The following SPECC1 variants were observed in gnomAD, a reference collection of about 807,000 sequenced individuals.
SPECC1 encodes cytospin-B.
Under a neutral mutation model 104.1 loss-of-function variants are expected in SPECC1, and 62 were observed. That is an observed-to-expected ratio of 0.60 (90% CI 0.49 to 0.74). The LOEUF is 0.74. Among genes scored for constraint, SPECC1 ranks in the 30% least tolerant of loss-of-function variants. The probability of loss-of-function intolerance (pLI) is 0.00; values close to 1 mark genes in which losing one functional copy is unlikely to be tolerated. For missense variants in SPECC1, 1,306 were observed against 1,310.5 expected, an observed-to-expected ratio of 1.00 and a Z score of 0.05; for synonymous variants, 513 against 501.6, an observed-to-expected ratio of 1.02 and a Z score of -0.30.
intron 3 of SPECC1, among the ~76,000 whole-genome samples, chr17:20,158,747 A>G (rs1361831200): frequency 6.6e-6 from 1 of 152,152 alleles, no homozygotes; most frequent in Non-Finnish European, 1.5e-5. Flanking sequence ...ATGAATGGCA[A>G]GTTCGGTTTT....
At position 20,253,541 on chromosome 17, in the gene SPECC1, A is replaced by C. The variant is rs781636027; in HGVS notation, c.2635A>C (p.Arg879=). 5 of 1,614,000 alleles carry C rather than the reference A, an allele frequency of 3.1e-6. No individual in the cohort carries two copies. Among genetic ancestry groups the C allele is most frequent in the Non-Finnish European group, 4.2e-6 (5 of 1,180,038 alleles). The change falls in exon 10 of 15, where the codon AGA becomes CGA. Residue 879 remains arginine (R), a synonymous_variant. Transcript: ENST00000395527. The stretch of plus-strand genomic sequence containing the variant: ...TTACAGCAGTGTGCGGCCAGCCAGC[A>C]GAGGGGTGACTCAACGCTTGGACCT... ...STYSSVRPAS[R]GVTQRLDLPD...
At chr17:20,142,133 C>T (rs1162722589) in intron 3 of SPECC1, among the ~76,000 whole-genome samples, 1 of 152,182 alleles carries the variant, frequency 6.6e-6, no homozygotes, top group Non-Finnish European at 1.5e-5. Flanking sequence ...TCTTCTGTTA[C>T]ATTCAGCATA....
At chr17:20,186,636 T>C (rs1011373588) in intron 3 of SPECC1, among the ~76,000 whole-genome samples, 4 of 152,206 alleles carry the variant, frequency 2.6e-5, no homozygotes, top group Non-Finnish European at 2.9e-5. Flanking sequence ...CAATCACAGC[T>C]TACTGCAGCC....
chr17:20,271,439 G>A (rs2040402786), intron 12 of SPECC1, among the ~76,000 whole-genome samples: 1 of 151,548 alleles, frequency 6.6e-6, no homozygotes, highest in African/African-American at 2.4e-5. Context: ...TCATAGATTA[G>A]CCATGTAGTA....
At chr17:20,243,859 G>A (rs2039307091) in intron 7 of SPECC1, among the ~76,000 whole-genome samples, 1 of 152,218 alleles carries the variant, frequency 6.6e-6, no homozygotes, top group African/African-American at 2.4e-5. Flanking sequence ...AGAATGAAAT[G>A]TAAAATGAAT....
At chr17:20,165,317 C>T (rs1203683283) in intron 3 of SPECC1, among the ~76,000 whole-genome samples, 1 of 151,956 alleles carries the variant, frequency 6.6e-6, no homozygotes, top group East Asian at 1.9e-4. Context: ...GTTTGGTTTT[C>T]TGTTCCTGTG....
At chr17:20,306,435 C>T (rs1341470684) in intron 14 of SPECC1, among the ~76,000 whole-genome samples, 1 of 152,148 alleles carries the variant, frequency 6.6e-6, no homozygotes, top group East Asian at 1.9e-4. Context: ...TACCCAGATG[C>T]CAGAAATGTA....
At chr17:20,290,627 T>G (rs6587063) in intron 12 of SPECC1, among the ~76,000 whole-genome samples, 1 of 151,990 alleles carries the variant, frequency 6.6e-6, no homozygotes, top group African/African-American at 2.4e-5. Flanking sequence ...CAATTCTCCC[T>G]CTTCAGCCTC....
chr17:20,251,837 T>C (rs2039644392), intron 9 of SPECC1, among the ~76,000 whole-genome samples: 1 of 152,182 alleles, frequency 6.6e-6, no homozygotes, highest in Admixed American at 6.5e-5. Flanking sequence ...GGTAAGTACG[T>C]TTAGTATCGT....
At position 20,245,797 on chromosome 17, in the gene SPECC1, A is replaced by G. The variant is rs567599288; in HGVS notation, c.2352-129A>G. Reference sequence around the variant, plus strand: ...GATGCAAACTGGTAGAGAAAACAGGATGTTAAATTCAGAATTTCCCTTCCA... The same window carrying G: ...GATGCAAACTGGTAGAGAAAACAGGGTGTTAAATTCAGAATTTCCCTTCCA... On this transcript the variant is annotated intron_variant, in intron 7 of 14. Transcript: ENST00000395527. The G allele has an allele frequency of 4.2e-5, 45 of 1,075,692 alleles. No individual in the cohort carries two copies. The Admixed American group carries it at 1.1e-3, about 27-fold the overall frequency. 66.6% of individuals were successfully genotyped at this position (1,075,692 alleles called of 1,614,324 possible).
At chr17:20,098,503 G>A (rs1008711677) in intron 2 of SPECC1, among the ~76,000 whole-genome samples, 2 of 152,170 alleles carry the variant, frequency 1.3e-5, no homozygotes, top group African/African-American at 4.8e-5. Context: ...AGAGTGAAAA[G>A]CAGAGTCCTT....
At position 20,157,178 on chromosome 17, in the gene SPECC1, C is replaced by T. The variant is rs563519196; in HGVS notation, c.283+46616C>T. On this transcript the variant is annotated intron_variant, in intron 3 of 14. Coordinates refer to ENST00000395527, the MANE Select transcript of SPECC1 (RefSeq NM_001243439.2). ...GGACGCTGGGTCGTCCTGGCCTCTG[C>T]GCATTGCTTCTCCTTCATCTCCCAG... Among the ~76,000 whole-genome samples the T allele has an allele frequency of 3.9e-5, 6 of 152,298 alleles. No homozygotes were observed. The South Asian group carries it at 1.2e-3, about 32-fold the overall frequency.
Position 20,252,954 on chromosome 17 carries a change from G to A in SPECC1, c.2599-551G>A, listed in dbSNP as rs147574497. 6.8e-3 allele frequency among the ~76,000 whole-genome samples: 1,037 copies of A among 151,892 alleles called. 11 individuals are homozygous for A. The highest frequency in any genetic ancestry group is 0.024 in the African/African-American group (986 of 41,392). ...TTGAGGAACCTCCATACTGTTCTGC[G>A]TAATGGCTGCACCATTGTACATTCC... On this transcript the variant is annotated intron_variant, in intron 9 of 14. Transcript: ENST00000395527.
intron 3 of SPECC1, among the ~76,000 whole-genome samples, chr17:20,173,928 G>GTT (rs11298381): frequency 6.8e-6 from 1 of 146,526 alleles, no homozygotes; most frequent in Non-Finnish European, 1.5e-5. Flanking sequence ...AGTTTTTGGT[G>GTT]TTTTTTTTTT....
At chr17:20,023,042 CTA>C (rs767525038) in intron 1 of SPECC1, among the ~76,000 whole-genome samples, 21 of 152,142 alleles carry the variant, frequency 1.4e-4, no homozygotes, top group Non-Finnish European at 2.8e-4. Context: ...ACCCAAAAAA[CTA>C]TGGTTTAGTG....
At chr17:20,092,101 T>C (rs956356330) in intron 1 of SPECC1, among the ~76,000 whole-genome samples, 1 of 152,048 alleles carries the variant, frequency 6.6e-6, no homozygotes, top group African/African-American at 2.4e-5. Context: ...CACTGTGAAA[T>C]TTAAGAGTTG....
intron 7 of SPECC1, chr17:20,238,509 A>C: frequency 9.6e-7 from 1 of 1,042,344 alleles, no homozygotes; most frequent in Non-Finnish European, 1.2e-6. Context: ...CTGTCTAATA[A>C]AAGGAAAATT....
intron 3 of SPECC1, among the ~76,000 whole-genome samples, chr17:20,115,591 C>T (rs772570834): frequency 2.2e-4 from 34 of 151,986 alleles, no homozygotes; most frequent in Non-Finnish European, 4.6e-4. Flanking sequence ...TGAATTTATG[C>T]CACCCAAGAA....
At chr17:20,190,470 T>C (rs938939995) in intron 3 of SPECC1, among the ~76,000 whole-genome samples, 6 of 152,202 alleles carry the variant, frequency 3.9e-5, no homozygotes, top group African/African-American at 7.2e-5. Context: ...ATGCTTTTAC[T>C]GCCTTCTAAA....
Sources: gnomAD v4.1 joint callset for allele counts (sites outside exome capture counted in the v4.1 genomes callset) on GRCh38, gnomAD v4.1.1 for gene constraint, MANE v1.5 for transcripts, NCBI Gene and HGNC (gene_info 2026-07-23, HGNC 2026-07-21) for gene names.